Variants in PLEKHM2 observed in about 807,000 individuals in gnomAD.
PLEKHM2 encodes pleckstrin homology domain-containing family M member 2.
In PLEKHM2, 77 loss-of-function variants were observed where a neutral mutation model predicts 116.3. The ratio of observed to expected loss-of-function variants is 0.66; its 90% confidence interval spans 0.55 to 0.80. PLEKHM2 has a LOEUF of 0.80. Among genes scored for constraint, PLEKHM2 ranks in the 30% least tolerant of loss-of-function variants. The probability of loss-of-function intolerance (pLI) is 0.00; values close to 1 mark genes in which losing one functional copy is unlikely to be tolerated. For synonymous variants in PLEKHM2, 562 were observed against 571.0 expected, an observed-to-expected ratio of 0.98 and a Z score of 0.22; for missense variants, 1,183 against 1,354.9, an observed-to-expected ratio of 0.87 and a Z score of 1.99.
chr1:15,710,622 C>G (rs979027750), intron 1 of PLEKHM2, among the ~76,000 whole-genome samples: 2 of 152,096 alleles, frequency 1.3e-5, no homozygotes, highest in African/African-American at 4.8e-5. Context: ...CCACTGCACC[C>G]AGCTACCAAA....
chr1:15,732,589 C>T (rs778731829), intron 18 of PLEKHM2, 23 bp from the exon 19 acceptor site: 17 of 1,597,776 alleles, frequency 1.1e-5, no homozygotes, highest in Admixed American at 1.7e-5. Flanking sequence ...TGGCTGCTCA[C>T]CCGGGGGCCT....
intron 1 of PLEKHM2, among the ~76,000 whole-genome samples, chr1:15,712,077 C>A (rs1462018012): frequency 6.9e-6 from 1 of 144,000 alleles, no homozygotes; most frequent in Non-Finnish European, 1.5e-5. Flanking sequence ...GAGATCACGC[C>A]ACTGCACTCT....
rs1030763358 is a variant in PLEKHM2 at position 15,727,878 on chromosome 1, G to T, written c.1760+46G>T. ...GCATGGGACTCTCCCAGCCCTTGAAGCTGGGGACACTGTGCCTCTGACCTC... is the reference window on the plus strand; with the variant it reads ...GCATGGGACTCTCCCAGCCCTTGAATCTGGGGACACTGTGCCTCTGACCTC... On this transcript the variant is annotated intron_variant, in intron 9 of 19. Transcript: ENST00000375799. This position sits in a 1 kb window ranked among gnomAD's most constrained non-coding sequence, Gnocchi z 7.5. 1 of 1,437,392 alleles carries T rather than the reference G, an allele frequency of 7.0e-7. No individual in the cohort carries two copies. The highest frequency in any genetic ancestry group is 1.3e-5 in the South Asian group (1 of 75,400). 89.0% of individuals were successfully genotyped at this position (1,437,392 alleles called of 1,614,324 possible). A position where few individuals can be genotyped will look rare whatever the true frequency, so the allele number is the denominator to read the frequency against.
intron 8 of PLEKHM2, 127 bp from the exon 9 acceptor site, chr1:15,726,887 G>T: frequency 1.6e-6 from 1 of 622,828 alleles, no homozygotes. Flanking sequence ...GCACTGCCTA[G>T]GACCACTGAC....
chr1:15,724,203 G>A (rs1304300016), intron 7 of PLEKHM2, among the ~76,000 whole-genome samples: 4 of 152,294 alleles, frequency 2.6e-5, no homozygotes, highest in East Asian at 3.9e-4. Flanking sequence ...TGGAGTTCTC[G>A]GCCGGGCACG....
At chr1:15,712,588 C>T (rs1323793534) in intron 1 of PLEKHM2, among the ~76,000 whole-genome samples, 1 of 151,482 alleles carries the variant, frequency 6.6e-6, no homozygotes, top group Non-Finnish European at 1.5e-5. Flanking sequence ...TGGAAATATA[C>T]ATGGATATAC....
intron 15 of PLEKHM2, among the ~76,000 whole-genome samples, 197 bp downstream of exon 15, chr1:15,730,919 G>A (rs2068133872): frequency 6.6e-6 from 1 of 152,172 alleles, no homozygotes. Flanking sequence ...CATCTTTGGG[G>A]CCCCAGGAAT....
intron 1 of PLEKHM2, among the ~76,000 whole-genome samples, chr1:15,705,818 C>A (rs1377207130): frequency 2.6e-5 from 4 of 152,088 alleles, no homozygotes; most frequent in South Asian, 2.1e-4. Flanking sequence ...AAGGCCGGAT[C>A]TGGTGGCTCA....
rs2148384606 is a variant in PLEKHM2, at chr1:15,734,356, C to T, written c.*422C>T. The stretch of plus-strand genomic sequence containing the variant: ...GCTGGGGCCCTGAGTGCCCAGCCAT[C>T]CTTGTTCGTGTTTGAACACTCTCCT... On this transcript the variant is annotated 3_prime_UTR_variant, in exon 20 of 20. Coordinates refer to ENST00000375799, the MANE Select transcript of PLEKHM2 (RefSeq NM_015164.4). 5.7e-6 allele frequency: 1 copy of T among 174,546 alleles called. No homozygotes were observed. The highest frequency in any genetic ancestry group is 1.7e-4 in the East Asian group (1 of 5,824). The allele number at this position is 174,546 out of a possible 1,614,324, so 10.8% of individuals were successfully genotyped here.
rs1014041756 is a variant in PLEKHM2, at chr1:15,729,974, G to A, written c.2208+45G>A. The A allele has an allele frequency of 6.5e-7, 1 of 1,533,326 alleles. No individual in the cohort carries two copies. The highest frequency in any genetic ancestry group is 8.8e-7 in the Non-Finnish European group (1 of 1,136,496). 95.0% of individuals were successfully genotyped at this position (1,533,326 alleles called of 1,614,324 possible). ...GCTGAGTGCAGCCCCTGAGATGGCA[G>A]AGCAGCAGCCGCCTTGGCGTGAGCG... On this transcript the variant is annotated intron_variant, in intron 14 of 19. Transcript: ENST00000375799. The surrounding 1 kb of genome is among the most constrained non-coding windows in gnomAD (Gnocchi z 4.7).
chr1:15,690,353 G>A (rs1054806868), intron 1 of PLEKHM2, among the ~76,000 whole-genome samples: 2 of 152,084 alleles, frequency 1.3e-5, no homozygotes, highest in Non-Finnish European at 2.9e-5. Context: ...CACTGCCTCC[G>A]GCTTCAGTGA....
chr1:15,717,477 T>G (rs1341157148), intron 3 of PLEKHM2, among the ~76,000 whole-genome samples: 1 of 152,194 alleles, frequency 6.6e-6, no homozygotes, highest in Non-Finnish European at 1.5e-5. Context: ...AGGCCTCTTT[T>G]CTCCCCACAT....
At chr1:15,717,173 C>T (rs1443783029) in intron 3 of PLEKHM2, among the ~76,000 whole-genome samples, 1 of 152,100 alleles carries the variant, frequency 6.6e-6, no homozygotes. Flanking sequence ...TGGCTTGAGC[C>T]CCGGAGTTTG....
chr1:15,690,068 T>TA, intron 1 of PLEKHM2, among the ~76,000 whole-genome samples: 1 of 148,564 alleles, frequency 6.7e-6, no homozygotes, highest in Non-Finnish European at 1.5e-5. Context: ...GGTTTTTTTT[T>TA]TTTTTGTTTT....
chr1:15,702,667 C>T (rs1396282600), intron 1 of PLEKHM2, among the ~76,000 whole-genome samples: 3 of 150,232 alleles, frequency 2.0e-5, no homozygotes, highest in South Asian at 2.1e-4. Context: ...ATCTCTCCAC[C>T]TTGACCTCCC....
At position 15,718,609 on chromosome 1, in the gene PLEKHM2, G is replaced by A. The variant is rs753728158; in HGVS notation, c.449G>A (p.Arg150His). ...TTGGTGTCCGGGCTAGAGTTCATTC[G>A]TTTCGAGCTGGATCTGGTGAGACAC... ...LTLVSGLEFI[R>H]FELDLDAPYL... Residue 150 changes from arginine to histidine, a missense_variant, in exon 5 of 20, where the codon CGT becomes CAT. Arg to His is a conservative substitution (Grantham distance 29). Transcript: ENST00000375799. 5 of 1,342,070 alleles carry A rather than the reference G, an allele frequency of 3.7e-6. No individual in the cohort carries two copies. Among genetic ancestry groups the A allele is most frequent in the African/African-American group, 3.1e-5 (2 of 63,898 alleles). 83.1% of individuals were successfully genotyped at this position (1,342,070 alleles called of 1,614,324 possible). A position where few individuals can be genotyped will look rare whatever the true frequency, so the allele number is the denominator to read the frequency against.
At chr1:15,725,596 T>C in intron 8 of PLEKHM2, 51 bp downstream of exon 8, 1 of 1,297,708 alleles carries the variant, frequency 7.7e-7, no homozygotes, top group Non-Finnish European at 1.1e-6. Context: ...GTCCAACCTG[T>C]CCACTCCCAG....
rs1218251568 is a variant in PLEKHM2, at chr1:15,729,035, C to G, written c.1987-67C>G. On this transcript the variant is annotated intron_variant, in intron 12 of 19. Transcript: ENST00000375799. The surrounding 1 kb of genome is among the most constrained non-coding windows in gnomAD (Gnocchi z 4.7). Reference sequence around the variant, plus strand: ...CCTCCCCAGCAAGCGCTCAGCCTGGCCAAGCTGCCTTCTCCGCCAGGCAGC... The same window carrying G: ...CCTCCCCAGCAAGCGCTCAGCCTGGGCAAGCTGCCTTCTCCGCCAGGCAGC... 9 of 1,447,802 alleles carry G rather than the reference C, an allele frequency of 6.2e-6. No homozygotes were observed. The highest frequency in any genetic ancestry group is 8.6e-6 in the Non-Finnish European group (9 of 1,051,824). 89.7% of individuals were successfully genotyped at this position (1,447,802 alleles called of 1,614,324 possible). A position where few individuals can be genotyped will look rare whatever the true frequency, so the allele number is the denominator to read the frequency against.
chr1:15,724,105 C>G (rs568281653), intron 7 of PLEKHM2, among the ~76,000 whole-genome samples: 2 of 152,012 alleles, frequency 1.3e-5, no homozygotes, highest in Non-Finnish European at 2.9e-5. Context: ...CTGGGTGGGG[C>G]GGGATGTCCA....
Sources: allele counts gnomAD v4.1 joint callset (sites outside exome capture counted in the v4.1 genomes callset), GRCh38; gene constraint gnomAD v4.1.1; non-coding constraint Gnocchi (gnomAD v3.1); transcripts MANE v1.5; gene names NCBI Gene and HGNC (gene_info 2026-07-23, HGNC 2026-07-21).